AUTS2: variants seen among roughly 807,000 people sequenced by gnomAD.
The protein encoded by AUTS2 is autism susceptibility gene 2 protein.
A neutral mutation model predicts 112.4 loss-of-function variants in AUTS2; 17 were observed. The observed-to-expected ratio is 0.15, with a 90% CI of 0.10 to 0.23. AUTS2 has a LOEUF of 0.23. AUTS2 is among the 10% of genes least tolerant of loss of function. The pLI, the probability that AUTS2 is intolerant of heterozygous loss-of-function variation, is 1.00. For missense variants in AUTS2, 1,510 were observed against 1,701.6 expected, an observed-to-expected ratio of 0.89 and a Z score of 1.98; for synonymous variants, 751 against 702.7, an observed-to-expected ratio of 1.07 and a Z score of -1.09.
chr7:70,370,955 A>G (rs768817984), intron 4 of AUTS2, among the ~76,000 whole-genome samples: 2 of 152,136 alleles, frequency 1.3e-5, no homozygotes, highest in Non-Finnish European at 2.9e-5. Flanking sequence ...GCATAAGTGA[A>G]AGCATGTTTG....
intron 2 of AUTS2, among the ~76,000 whole-genome samples, chr7:70,075,848 T>C (rs564360983): frequency 1.3e-4 from 20 of 152,336 alleles, no homozygotes; most frequent in African/African-American, 4.6e-4. Flanking sequence ...TCACTTAAAA[T>C]GTTATGCCAT....
At chr7:70,369,784 G>C (rs1181171620) in intron 4 of AUTS2, among the ~76,000 whole-genome samples, 1 of 152,202 alleles carries the variant, frequency 6.6e-6, no homozygotes, top group East Asian at 1.9e-4. Context: ...TTAGTTAAAA[G>C]ACTTCATAAT....
At chr7:69,693,017 G>GT (rs1797413911) in intron 1 of AUTS2, among the ~76,000 whole-genome samples, 1 of 152,206 alleles carries the variant, frequency 6.6e-6, no homozygotes, top group Non-Finnish European at 1.5e-5. Flanking sequence ...ATTTTCAAGT[G>GT]TTATGGTAGA....
chr7:70,307,452 A>T (rs1013195465), intron 4 of AUTS2, among the ~76,000 whole-genome samples: 5 of 152,194 alleles, frequency 3.3e-5, no homozygotes, highest in Non-Finnish European at 5.9e-5. Flanking sequence ...GTCCTCACGA[A>T]GATTTTTGTC....
intron 1 of AUTS2, among the ~76,000 whole-genome samples, chr7:69,696,837 G>A (rs1455799416): frequency 6.6e-6 from 1 of 152,134 alleles, no homozygotes; most frequent in Non-Finnish European, 1.5e-5. Flanking sequence ...TCTTTGCTGT[G>A]AGCAGAGAGA....
chr7:70,255,972 T>C (rs539190176), intron 4 of AUTS2, among the ~76,000 whole-genome samples: 4 of 152,348 alleles, frequency 2.6e-5, no homozygotes, highest in African/African-American at 9.6e-5. Context: ...TTTAATAGAC[T>C]TAAGTGTACT....
At chr7:70,066,558 T>TTC (rs398005097) in intron 2 of AUTS2, among the ~76,000 whole-genome samples, 25 of 151,312 alleles carry the variant, frequency 1.7e-4, no homozygotes, top group African/African-American at 5.3e-4. Flanking sequence ...TTTTTTTTTT[T>TTC]CAAACAGAGT....
In AUTS2 at chr7:70,156,937, C is replaced by T. The variant is rs1000638582; in HGVS notation, c.660+22366C>T. ...AAAAAAAAAAAAAAAATTAGCTGGGCGTGGTGGCAGGCACCTGTAGTCCCA... is the reference window on the plus strand; with the variant it reads ...AAAAAAAAAAAAAAAATTAGCTGGGTGTGGTGGCAGGCACCTGTAGTCCCA... On this transcript the variant is annotated intron_variant, in intron 4 of 18. Transcript: ENST00000342771. 5.0e-5 allele frequency among the ~76,000 whole-genome samples: 5 copies of T among 100,382 alleles called. No homozygotes were observed. The East Asian group carries it at 1.6e-3, about 32-fold the overall frequency. 65.9% of individuals were successfully genotyped at this position (100,382 alleles called of 152,430 possible).
chr7:70,408,812 C>T (rs1794652837), intron 4 of AUTS2, among the ~76,000 whole-genome samples: 1 of 152,216 alleles, frequency 6.6e-6, no homozygotes, highest in Admixed American at 6.5e-5. Flanking sequence ...TTGCACGCTG[C>T]ACTGGTTACA....
At chr7:70,165,611 GT>G (rs1297566711) in intron 4 of AUTS2, among the ~76,000 whole-genome samples, 3 of 152,288 alleles carry the variant, frequency 2.0e-5, no homozygotes, top group Non-Finnish European at 2.9e-5. Context: ...AGCAAGAGAA[GT>G]TTTGCTAGCA....
intron 1 of AUTS2, among the ~76,000 whole-genome samples, chr7:69,795,301 G>A (rs749181567): frequency 3.3e-5 from 5 of 152,180 alleles, no homozygotes; most frequent in Non-Finnish European, 7.3e-5. Context: ...CTGGATCATA[G>A]AGAGCCTTGA....
At position 69,769,420 on chromosome 7, in the gene AUTS2, AG is replaced by A. The variant is rs547342807; in HGVS notation, c.310-129863del. On this transcript the variant is annotated intron_variant, in intron 1 of 18. Coordinates refer to ENST00000342771, the MANE Select transcript of AUTS2 (RefSeq NM_015570.4). ...TGCTGTCCAGGAAGTGGGAGGTTGAAGGGTGACTTATGTAATGTTCACAGAG... is the reference window on the plus strand; with the variant it reads ...TGCTGTCCAGGAAGTGGGAGGTTGAAGGTGACTTATGTAATGTTCACAGAG... 9.8e-5 allele frequency among the ~76,000 whole-genome samples: 15 copies of A among 152,330 alleles called. No individual in the cohort carries two copies. In the South Asian group the frequency reaches 2.9e-3, roughly 29 times the overall value.
At chr7:70,753,405 C>T (rs753139461) in intron 6 of AUTS2, among the ~76,000 whole-genome samples, 7 of 152,166 alleles carry the variant, frequency 4.6e-5, no homozygotes, top group Non-Finnish European at 2.9e-5. Flanking sequence ...AGAATCTCTT[C>T]GAGCCCTGCC....
intron 4 of AUTS2, among the ~76,000 whole-genome samples, chr7:70,175,334 G>A (rs1258950930): frequency 1.3e-5 from 2 of 152,228 alleles, no homozygotes; most frequent in Non-Finnish European, 2.9e-5. Flanking sequence ...AACAAAGAAA[G>A]TGTTTTCTTG....
At chr7:70,292,701 T>A (rs1399949549) in intron 4 of AUTS2, 1 of 152,178 alleles carries the variant, frequency 6.6e-6, no homozygotes. Flanking sequence ...GATTGTGAGA[T>A]GGTTCCCTAC....
At position 70,790,773 on chromosome 7, in the gene AUTS2, C is replaced by T; in HGVS notation, c.3557C>T (p.Thr1186Ile). The change falls in exon 19 of 19, where the codon ACC (threonine) becomes ATC (isoleucine). Residue 1186 changes from threonine to isoleucine, a missense_variant. Around this residue, in one of 3 missense-constraint regions of AUTS2, gnomAD observed 788 missense variants for 797.6 expected, o/e 0.99. Coordinates refer to ENST00000342771, the MANE Select transcript of AUTS2 (RefSeq NM_015570.4). The surrounding 1 kb of genome is among the most constrained non-coding windows in gnomAD (Gnocchi z 7.6). ...CACCTCCCCCACCCCAGCCTCATCA[C>T]CCCGGGACTCCCCAGCATGCACTAT... is the stretch of plus-strand genomic sequence containing the variant. ...DGHLPHPSLI[T>I]PGLPSMHYPR... is the part of the protein sequence containing the mutation. 6.2e-7 allele frequency: 1 copy of T among 1,612,686 alleles called. No individual in the cohort carries two copies. The highest frequency in any genetic ancestry group is 8.5e-7 in the Non-Finnish European group (1 of 1,179,608).
intron 5 of AUTS2, among the ~76,000 whole-genome samples, chr7:70,603,901 C>G (rs954795265): frequency 6.9e-6 from 1 of 144,032 alleles, no homozygotes; most frequent in African/African-American, 2.6e-5. Flanking sequence ...GGTGCTTCAG[C>G]ACTTTAGTAT....
At chr7:70,121,723 T>C (rs759278795) in intron 3 of AUTS2, among the ~76,000 whole-genome samples, 3 of 152,178 alleles carry the variant, frequency 2.0e-5, no homozygotes, top group Non-Finnish European at 4.4e-5. Context: ...ATTCATACAT[T>C]ACTGGTGGGA....
intron 4 of AUTS2, among the ~76,000 whole-genome samples, chr7:70,284,446 C>T (rs62455162): frequency 0.061 from 9,313 of 152,150 alleles, 422 homozygotes; most frequent in Non-Finnish European, 0.085. Flanking sequence ...TGGGAAGGGA[C>T]CATTTCCTCA....
Sources: gnomAD v4.1 joint callset for allele counts (sites outside exome capture counted in the v4.1 genomes callset) on GRCh38, gnomAD v4.1.1 for gene constraint, gnomAD v4.1.1 regional missense constraint, Gnocchi (gnomAD v3.1) non-coding constraint, MANE v1.5 for transcripts, NCBI Gene and HGNC (gene_info 2026-07-23, HGNC 2026-07-21) for gene names.